The following CDH12 variants were observed in gnomAD, a reference collection of about 807,000 sequenced individuals.
CDH12 encodes cadherin-12.
A neutral mutation model predicts 74.1 loss-of-function variants in CDH12; 41 were observed. That is an observed-to-expected ratio of 0.55 (90% confidence interval 0.43 to 0.72). The LOEUF is 0.72. Among genes scored for constraint, CDH12 ranks in the 30% least tolerant of loss-of-function variants. CDH12 has a pLI of 0.00. For missense variants in CDH12, 945 were observed against 977.2 expected (o/e 0.97, Z 0.44); for synonymous variants, 399 against 355.0 (o/e 1.12, Z -1.39).
chr5:21,877,007 A>G (rs2150026300), intron 6 of CDH12, among the ~76,000 whole-genome samples: 1 of 152,352 alleles, frequency 6.6e-6, no homozygotes, highest in Non-Finnish European at 1.5e-5. Context: ...ATTGGAGAAC[A>G]GCCTGGCCAA....
intron 5 of CDH12, among the ~76,000 whole-genome samples, chr5:22,065,217 G>A (rs1741471943): frequency 6.6e-6 from 1 of 152,106 alleles, no homozygotes; most frequent in South Asian, 2.1e-4. Context: ...TGGCCCTGAA[G>A]TTGAGGTGCA....
intron 1 of CDH12, among the ~76,000 whole-genome samples, chr5:22,745,580 T>G (rs1745252704): frequency 1.3e-5 from 2 of 152,070 alleles, no homozygotes; most frequent in African/African-American, 4.8e-5. Context: ...TAGAATACCA[T>G]GCAGCCATAA....
chr5:22,614,779 T>C (rs1737607595), intron 1 of CDH12, among the ~76,000 whole-genome samples: 1 of 152,080 alleles, frequency 6.6e-6, no homozygotes, highest in South Asian at 2.1e-4. Context: ...ATGCCTAAAA[T>C]CTTGGATAGC....
Position 22,175,828 on chromosome 5 carries a change from TGAA to T in CDH12, c.-187+36667_-187+36669del, listed in dbSNP as rs1385106441. Among the ~76,000 whole-genome samples the T allele has an allele frequency of 3.9e-5, 6 of 152,100 alleles. No homozygotes were observed. In the South Asian group the frequency reaches 1.0e-3, roughly 26 times the overall value. ...TAGCAAGAAACTGGATCAGCTCACC[TGAA>T]CTAGCGCAATAAATAGGACCAGAGG... On this transcript the variant is annotated intron_variant, in intron 4 of 14. Coordinates refer to ENST00000382254, the MANE Select transcript of CDH12 (RefSeq NM_004061.5).
intron 4 of CDH12, among the ~76,000 whole-genome samples, chr5:22,186,740 G>A (rs1239884619): frequency 1.3e-5 from 2 of 152,064 alleles, no homozygotes; most frequent in African/African-American, 4.8e-5. Context: ...CAAAGTGCTG[G>A]GATTACAAGT....
rs191675389 is a variant in CDH12 at position 22,591,834 on chromosome 5, T to A, written c.-522-86470A>T. 2.0e-5 allele frequency among the ~76,000 whole-genome samples: 3 copies of A among 152,338 alleles called. No individual in the cohort carries two copies. The East Asian group carries it at 5.8e-4, about 29-fold the overall frequency. On this transcript the variant is annotated intron_variant, in intron 1 of 14. Coordinates refer to ENST00000382254, the MANE Select transcript of CDH12 (RefSeq NM_004061.5). ...GATATACAGTTTTTAAAACTGTATG[T>A]TGGCATTACATTTTCTTTACTGCCC...
chr5:22,439,716 A>G (rs1437347966), intron 2 of CDH12, among the ~76,000 whole-genome samples: 1 of 152,050 alleles, frequency 6.6e-6, no homozygotes, highest in Non-Finnish European at 1.5e-5. Context: ...GACATTCTCC[A>G]AATGTGCTGA....
intron 3 of CDH12, among the ~76,000 whole-genome samples, chr5:22,335,211 A>T (rs1739521602): frequency 6.6e-6 from 1 of 152,200 alleles, no homozygotes; most frequent in African/African-American, 2.4e-5. Context: ...GCCCCCACCC[A>T]AATCTCATCT....
intron 1 of CDH12, among the ~76,000 whole-genome samples, chr5:22,848,340 C>T (rs1479215361): frequency 6.6e-6 from 1 of 152,092 alleles, no homozygotes; most frequent in Non-Finnish European, 1.5e-5. Flanking sequence ...GATACTATTG[C>T]TGCTTTTTAG....
At chr5:22,322,366 T>TAA (rs71609760) in intron 3 of CDH12, among the ~76,000 whole-genome samples, 63,041 of 148,530 alleles carry the variant, frequency 0.42, 13,237 homozygotes, top group South Asian at 0.49. Flanking sequence ...CAGCTTTATT[T>TAA]AAAAAAAAAA....
At chr5:22,518,093 T>C (rs977027490) in intron 1 of CDH12, among the ~76,000 whole-genome samples, 10 of 152,198 alleles carry the variant, frequency 6.6e-5, no homozygotes, top group African/African-American at 2.4e-4. Flanking sequence ...TTTAAGCAAA[T>C]TGATTAAATC....
At chr5:21,794,117 T>A (rs193286339) in intron 10 of CDH12, among the ~76,000 whole-genome samples, 41 of 151,700 alleles carry the variant, frequency 2.7e-4, no homozygotes, top group African/African-American at 9.4e-4. Context: ...TATAGGTAGA[T>A]CTATATCTAG....
At chr5:21,941,370 TTAAGA>T (rs1397247642) in intron 6 of CDH12, among the ~76,000 whole-genome samples, 1 of 152,144 alleles carries the variant, frequency 6.6e-6, no homozygotes, top group Non-Finnish European at 1.5e-5. Context: ...AAGATAAAAA[TTAAGA>T]TGAGTCATTT....
At chr5:22,245,064 G>T (rs1221533508) in intron 3 of CDH12, among the ~76,000 whole-genome samples, 1 of 152,160 alleles carries the variant, frequency 6.6e-6, no homozygotes, top group Non-Finnish European at 1.5e-5. Flanking sequence ...ACGAGGGGAG[G>T]TGCTAGGAAA....
At chr5:22,504,188 T>G (rs1001520476) in intron 2 of CDH12, among the ~76,000 whole-genome samples, 2 of 151,940 alleles carry the variant, frequency 1.3e-5, no homozygotes, top group African/African-American at 4.8e-5. Context: ...GGGAGAGGAA[T>G]TATTAATAGT....
chr5:22,571,841 C>T (rs939490998), intron 1 of CDH12, among the ~76,000 whole-genome samples: 8 of 151,996 alleles, frequency 5.3e-5, no homozygotes, highest in African/African-American at 1.5e-4. Flanking sequence ...TTTGCCATAC[C>T]GTGGGCATGG....
At chr5:21,958,083 A>G (rs942401253) in intron 6 of CDH12, among the ~76,000 whole-genome samples, 1 of 152,078 alleles carries the variant, frequency 6.6e-6, no homozygotes, top group Non-Finnish European at 1.5e-5. Flanking sequence ...CACGAGATCT[A>G]ATGGTTTTAT....
At chr5:22,775,052 A>G (rs943056251) in intron 1 of CDH12, among the ~76,000 whole-genome samples, 1 of 151,048 alleles carries the variant, frequency 6.6e-6, no homozygotes, top group East Asian at 1.9e-4. Context: ...TGTGAAATAC[A>G]TATTTCATAT....
chr5:22,632,630 C>T (rs543730649), intron 1 of CDH12, among the ~76,000 whole-genome samples: 13 of 151,578 alleles, frequency 8.6e-5, no homozygotes, highest in Non-Finnish European at 1.3e-4. Context: ...TAATAATATG[C>T]AGAAAGAAAA....
Sources: gnomAD v4.1 joint callset for allele counts (sites outside exome capture counted in the v4.1 genomes callset) on GRCh38, gnomAD v4.1.1 for gene constraint, MANE v1.5 for transcripts, NCBI Gene and HGNC (gene_info 2026-07-23, HGNC 2026-07-21) for gene names.